The following KCNN2 variants were observed in gnomAD, a reference collection of about 807,000 sequenced individuals.
The protein encoded by KCNN2 is small conductance calcium-activated potassium channel protein 2.
KCNN2 carries 24 observed loss-of-function variants against 55.5 expected under a neutral mutation model. The ratio of observed to expected loss-of-function variants is 0.43; its 90% CI spans 0.31 to 0.61. KCNN2 has a LOEUF of 0.61. KCNN2 is among the 20% of genes least tolerant of loss of function. KCNN2 has a pLI of 0.08. For missense variants in KCNN2, 754 were observed against 853.6 expected, an observed-to-expected ratio of 0.88 and a Z score of 1.45; for synonymous variants, 431 against 336.1, an observed-to-expected ratio of 1.28 and a Z score of -3.09.
chr5:114,318,516 C>G (rs1191466663), intron 2 of KCNN2, among the ~76,000 whole-genome samples: 2 of 151,592 alleles, frequency 1.3e-5, no homozygotes, highest in Non-Finnish European at 2.9e-5. Context: ...CTATATTGTA[C>G]TATATTATAC....
At chr5:114,188,676 A>G (rs537264790) in intron 1 of KCNN2, among the ~76,000 whole-genome samples, 1 of 152,148 alleles carries the variant, frequency 6.6e-6, no homozygotes, top group East Asian at 1.9e-4. Context: ...GCAATAACTA[A>G]TTAAAAATGA....
intron 1 of KCNN2, among the ~76,000 whole-genome samples, chr5:114,148,490 C>G (rs1293352981): frequency 1.3e-5 from 2 of 152,092 alleles, no homozygotes. Flanking sequence ...ACTCATACAT[C>G]CATTGTGTAG....
intron 1 of KCNN2, among the ~76,000 whole-genome samples, chr5:114,204,573 G>A (rs752168149): frequency 6.6e-6 from 1 of 152,070 alleles, no homozygotes; most frequent in Non-Finnish European, 1.5e-5. Context: ...CCTCTTCCTG[G>A]ATTTCCTAGA....
intron 1 of KCNN2, among the ~76,000 whole-genome samples, chr5:114,128,847 C>T (rs1751991256): frequency 6.6e-6 from 1 of 152,124 alleles, no homozygotes; most frequent in South Asian, 2.1e-4. Context: ...CATTAATTCC[C>T]ACAAGCCTAC....
At position 114,476,219 on chromosome 5, in the gene KCNN2, C is replaced by A. The variant is rs1266301090; in HGVS notation, c.1890+3055C>A. Among the ~76,000 whole-genome samples the A allele has an allele frequency of 2.8e-5, 4 of 141,566 alleles. No individual in the cohort carries two copies. The East Asian group carries it at 8.6e-4, about 30-fold the overall frequency. The allele number at this position is 141,566 out of a possible 152,430, so 92.9% of individuals were successfully genotyped here. ...CCACAGTCCCCAGAGTGTGATATTC[C>A]CCTTCCTGTGTCCATGTCCAACAAT... is the stretch of plus-strand genomic sequence containing the variant. On this transcript the variant is annotated intron_variant, in intron 5 of 7. Coordinates refer to ENST00000673685, the MANE Select transcript of KCNN2 (RefSeq NM_021614.4).
chr5:114,293,540 G>C (rs186915045), intron 2 of KCNN2, among the ~76,000 whole-genome samples: 246 of 152,296 alleles, frequency 1.6e-3, no homozygotes, highest in African/African-American at 5.4e-3. Context: ...CAGGGATGAC[G>C]CCCACTTGAT....
chr5:114,446,182 G>A (rs1760400060), intron 3 of KCNN2, among the ~76,000 whole-genome samples: 1 of 152,074 alleles, frequency 6.6e-6, no homozygotes, highest in African/African-American at 2.4e-5. Flanking sequence ...TATTTTCCTT[G>A]TCCAAGAAGC....
chr5:114,203,030 A>C (rs2112574208), intron 1 of KCNN2, among the ~76,000 whole-genome samples: 1 of 152,280 alleles, frequency 6.6e-6, no homozygotes, highest in South Asian at 2.1e-4. Flanking sequence ...AGAAATTCCA[A>C]TTTTGGCTGT....
chr5:114,407,931 C>T (rs2125146), intron 3 of KCNN2, among the ~76,000 whole-genome samples: 1 of 152,022 alleles, frequency 6.6e-6, no homozygotes, highest in Non-Finnish European at 1.5e-5. Context: ...TGCCAGGTTG[C>T]GAAAGAACAG....
intron 1 of KCNN2, among the ~76,000 whole-genome samples, chr5:114,151,057 A>G (rs1258820943): frequency 2.0e-5 from 3 of 151,756 alleles, no homozygotes; most frequent in Non-Finnish European, 2.9e-5. Context: ...AAAAACAAAT[A>G]AAGCAAGATT....
intron 1 of KCNN2, among the ~76,000 whole-genome samples, chr5:114,186,991 T>C (rs964096603): frequency 2.1e-4 from 32 of 152,194 alleles, no homozygotes; most frequent in African/African-American, 7.2e-4. Context: ...GTCATAAATA[T>C]AATGTTGGTA....
intron 2 of KCNN2, among the ~76,000 whole-genome samples, chr5:114,376,037 A>G (rs1476748951): frequency 7.0e-6 from 1 of 142,232 alleles, no homozygotes. Flanking sequence ...TTTGACAACT[A>G]TACCTATTTT....
At chr5:114,144,942 G>A (rs1392398765) in intron 1 of KCNN2, among the ~76,000 whole-genome samples, 1 of 152,060 alleles carries the variant, frequency 6.6e-6, no homozygotes, top group Non-Finnish European at 1.5e-5. Flanking sequence ...ATTTTTGGCT[G>A]TGTGGAAATA....
At chr5:114,451,496 A>C (rs1319498512) in intron 3 of KCNN2, among the ~76,000 whole-genome samples, 1 of 152,220 alleles carries the variant, frequency 6.6e-6, no homozygotes. Flanking sequence ...CTCAATGAAA[A>C]GAAGAGAGGA....
intron 1 of KCNN2, among the ~76,000 whole-genome samples, chr5:114,092,832 G>A (rs915209142): frequency 7.2e-5 from 11 of 152,082 alleles, no homozygotes; most frequent in African/African-American, 2.4e-4. Flanking sequence ...ACCAAATCTC[G>A]AGACCGCACA....
intron 3 of KCNN2, among the ~76,000 whole-genome samples, chr5:114,442,385 AC>A: frequency 6.6e-6 from 1 of 152,114 alleles, no homozygotes; most frequent in East Asian, 1.9e-4. Flanking sequence ...TTAAGGAAAA[AC>A]AATGCATTTA....
At chr5:114,370,772 C>T (rs916689804) in intron 2 of KCNN2, among the ~76,000 whole-genome samples, 4 of 152,048 alleles carry the variant, frequency 2.6e-5, no homozygotes, top group South Asian at 2.1e-4. Context: ...GATAAAGGGG[C>T]CTGATTTTCA....
intron 1 of KCNN2, among the ~76,000 whole-genome samples, chr5:114,197,081 T>C (rs1223344626): frequency 2.6e-5 from 4 of 152,182 alleles, no homozygotes; most frequent in Admixed American, 6.6e-5. Flanking sequence ...ATATCCCTTA[T>C]GATTCCTTCT....
At chr5:114,336,211 A>G (rs1756921127) in intron 2 of KCNN2, among the ~76,000 whole-genome samples, 1 of 152,260 alleles carries the variant, frequency 6.6e-6, no homozygotes, top group African/African-American at 2.4e-5. Context: ...ATCATTAAAC[A>G]AAAAGAAGAA....
Sources: gnomAD v4.1 joint callset for allele counts (sites outside exome capture counted in the v4.1 genomes callset) on GRCh38, gnomAD v4.1.1 for gene constraint, MANE v1.5 for transcripts, NCBI Gene and HGNC (gene_info 2026-07-23, HGNC 2026-07-21) for gene names.